ATP8A2: variants seen among roughly 807,000 people sequenced by gnomAD.
ATP8A2 encodes the protein ATPase phospholipid transporting 8A2.
ATP8A2 carries 100 observed loss-of-function variants against 165.6 expected under a neutral mutation model. That is an observed-to-expected ratio of 0.60 (90% confidence interval 0.51 to 0.71). ATP8A2 has a LOEUF of 0.71. ATP8A2 is among the 30% of genes least tolerant of loss of function. ATP8A2 has a pLI of 0.00. For missense variants in ATP8A2, 1,227 were observed against 1,479.5 expected (o/e 0.83, Z 2.80); for synonymous variants, 543 against 548.8 (o/e 0.99, Z 0.15).
intron 33 of ATP8A2, among the ~76,000 whole-genome samples, chr13:25,905,787 G>A (rs987584321): frequency 6.6e-6 from 1 of 152,168 alleles, no homozygotes; most frequent in Admixed American, 6.5e-5. Flanking sequence ...CTCTCCTGGG[G>A]CCCCTTCCTG....
At position 25,598,049 on chromosome 13, in the gene ATP8A2, T is replaced by C. The variant is rs930410610; in HGVS notation, c.2211+8350T>C. 1.1e-4 allele frequency among the ~76,000 whole-genome samples: 16 copies of C among 152,272 alleles called. No homozygotes were observed. The East Asian group carries it at 1.2e-3, about 11-fold the overall frequency. ...TAAGTCTGTGATCCATTATTGTGCA[T>C]GGTATGAGGTAAGGATTGAGGTCCA... On this transcript the variant is annotated intron_variant, in intron 24 of 36. Transcript: ENST00000381655.
intron 31 of ATP8A2, 120 bp downstream of exon 31, chr13:25,860,376 A>G (rs1282431857): frequency 1.7e-6 from 1 of 586,492 alleles, no homozygotes. Flanking sequence ...TTCAAAATGT[A>G]TTTTATATAT....
At chr13:25,447,895 A>G (rs562679285) in intron 1 of ATP8A2, among the ~76,000 whole-genome samples, 1 of 152,306 alleles carries the variant, frequency 6.6e-6, no homozygotes, top group South Asian at 2.1e-4. Flanking sequence ...GTCCTCTCAG[A>G]CTATCCCTAG....
At chr13:25,796,514 A>G (rs1342171720) in intron 27 of ATP8A2, among the ~76,000 whole-genome samples, 3 of 152,212 alleles carry the variant, frequency 2.0e-5, no homozygotes, top group Non-Finnish European at 4.4e-5. Flanking sequence ...GGAATGTCCA[A>G]GCTGGTTCCC....
intron 2 of ATP8A2, among the ~76,000 whole-genome samples, chr13:25,519,868 C>T (rs1031203457): frequency 3.2e-4 from 48 of 152,162 alleles, no homozygotes; most frequent in African/African-American, 1.1e-3. Flanking sequence ...TGTTTTTCCC[C>T]TGGCAGAGTG....
chr13:25,671,896 A>C (rs1426166815), intron 24 of ATP8A2, among the ~76,000 whole-genome samples: 1 of 152,054 alleles, frequency 6.6e-6, no homozygotes, highest in Admixed American at 6.5e-5. Context: ...CCTAATAAAA[A>C]CTTGCCGGTT....
In ATP8A2 at chr13:25,708,748, C is replaced by T. The variant is rs114931727; in HGVS notation, c.2384+9403C>T. ...TTTAAGCCTCTCCCATTGTTTCTTA[C>T]TCGTTGAACTTTAGAGAGGAAACAA... On this transcript the variant is annotated intron_variant, in intron 25 of 36. Coordinates refer to ENST00000381655, the MANE Select transcript of ATP8A2 (RefSeq NM_016529.6). 5.2e-3 allele frequency among the ~76,000 whole-genome samples: 795 copies of T among 152,306 alleles called. 8 individuals carry two copies. The highest frequency in any genetic ancestry group is 0.018 in the African/African-American group (765 of 41,560).
rs150332658 is a variant in ATP8A2, at chr13:25,650,008, A to G, written c.2212-49165A>G. On this transcript the variant is annotated intron_variant, in intron 24 of 36. Transcript: ENST00000381655. ...TGTGTTCCCTTTGAGGTGAGACCAG[A>G]GTGGACTTCCTAAGAAGCATCTTGG... Among the ~76,000 whole-genome samples the G allele has an allele frequency of 3.2e-3, 491 of 152,168 alleles. 3 individuals are homozygous for G. The highest frequency in any genetic ancestry group is 5.3e-3 in the Non-Finnish European group (363 of 68,016).
intron 33 of ATP8A2, chr13:25,927,178 C>T (rs1007239646): frequency 1.5e-5 from 7 of 456,640 alleles, no homozygotes; most frequent in Middle Eastern, 6.5e-4. Context: ...CCGTGCTGCA[C>T]GGCGGGTCCC....
intron 1 of ATP8A2, among the ~76,000 whole-genome samples, chr13:25,406,202 G>A (rs1244782160): frequency 2.0e-5 from 3 of 152,196 alleles, no homozygotes; most frequent in Non-Finnish European, 4.4e-5. Context: ...AGGGACTTAC[G>A]AACAGGAGCC....
intron 28 of ATP8A2, among the ~76,000 whole-genome samples, chr13:25,831,854 T>C (rs1428820076): frequency 1.3e-5 from 2 of 151,906 alleles, no homozygotes; most frequent in Non-Finnish European, 2.9e-5. Context: ...AAAACAACAA[T>C]AACAACAAGA....
chr13:25,737,840 T>C (rs540139537), intron 25 of ATP8A2, among the ~76,000 whole-genome samples: 40 of 152,246 alleles, frequency 2.6e-4, no homozygotes, highest in East Asian at 7.8e-4. Context: ...CTGGCCACCA[T>C]GCCTGACTAA....
At chr13:25,461,852 A>AAGT (rs142817448) in intron 1 of ATP8A2, among the ~76,000 whole-genome samples, 1 of 147,714 alleles carries the variant, frequency 6.8e-6, no homozygotes, top group Non-Finnish European at 1.5e-5. Context: ...GGAGAAGAAG[A>AAGT]AGGAGGAGGA....
Position 26,022,055 on chromosome 13 carries a change from TC to T in ATP8A2, c.*2074del, listed in dbSNP as rs1443312006. The T allele has an allele frequency of 1.3e-5, 2 of 152,092 alleles. No homozygotes were observed. The highest frequency in any genetic ancestry group is 2.9e-5 in the Non-Finnish European group (2 of 68,026). 9.4% of individuals were successfully genotyped at this position (152,092 alleles called of 1,614,324 possible). On this transcript the variant is annotated 3_prime_UTR_variant, in exon 37 of 37. Coordinates refer to ENST00000381655, the MANE Select transcript of ATP8A2 (RefSeq NM_016529.6). The stretch of plus-strand genomic sequence containing the variant: ...GGCTCCAAAAAGGGCCATTTCTTTC[TC>T]CCCAAGGTGCATAGAACATTTTTAA...
intron 25 of ATP8A2, among the ~76,000 whole-genome samples, chr13:25,738,337 C>G (rs1268260015): frequency 1.6e-5 from 1 of 61,970 alleles, no homozygotes; most frequent in Non-Finnish European, 3.3e-5. Context: ...TTTTGTGCCC[C>G]CCTCCCCCCC....
chr13:25,922,463 G>A (rs1405390905), intron 33 of ATP8A2, among the ~76,000 whole-genome samples: 1 of 152,194 alleles, frequency 6.6e-6, no homozygotes, highest in Non-Finnish European at 1.5e-5. Context: ...GAAGGAAGTT[G>A]ACAACTATCA....
chr13:25,946,795 TG>T (rs1955226190), intron 33 of ATP8A2, among the ~76,000 whole-genome samples: 1 of 152,234 alleles, frequency 6.6e-6, no homozygotes, highest in Non-Finnish European at 1.5e-5. Flanking sequence ...TTGCCCAGGC[TG>T]GAGGGCAGTG....
At position 25,750,531 on chromosome 13, in the gene ATP8A2, C is replaced by G. The variant is rs2138193454; in HGVS notation, c.2385-18515C>G. On this transcript the variant is annotated intron_variant, in intron 25 of 36. Transcript: ENST00000381655. This position sits in a 1 kb window ranked among gnomAD's most constrained non-coding sequence, Gnocchi z 4.3. ...CTCTGCCCGGCTCCCATTCCGAAGG[C>G]CGGTGGTTTCAGCCCAGCTTTGGGA... 6.6e-6 allele frequency among the ~76,000 whole-genome samples: 1 copy of G among 152,266 alleles called. No individual in the cohort carries two copies. The highest frequency in any genetic ancestry group is 1.9e-4 in the East Asian group (1 of 5,164).
chr13:25,765,867 C>T (rs769967990), intron 25 of ATP8A2, among the ~76,000 whole-genome samples: 3 of 152,122 alleles, frequency 2.0e-5, no homozygotes, highest in Admixed American at 6.5e-5. Context: ...AAAAAAAACC[C>T]GGGTCTGTTT....
Sources: allele counts gnomAD v4.1 joint callset (sites outside exome capture counted in the v4.1 genomes callset), GRCh38; gene constraint gnomAD v4.1.1; non-coding constraint Gnocchi (gnomAD v3.1); transcripts MANE v1.5; gene names NCBI Gene and HGNC (gene_info 2026-07-23, HGNC 2026-07-21).